IGF2BP2: variants seen among roughly 807,000 people sequenced by gnomAD.
The protein encoded by IGF2BP2 is insulin-like growth factor 2 mRNA-binding protein 2.
IGF2BP2 carries 17 observed loss-of-function variants against 75.8 expected under a neutral mutation model. That is an observed-to-expected ratio of 0.22 (90% confidence interval 0.15 to 0.34). The LOEUF (loss-of-function observed/expected upper bound fraction) is 0.34. IGF2BP2 is among the 10% of genes least tolerant of loss of function. The pLI, the probability that IGF2BP2 is intolerant of heterozygous loss-of-function variation, is 1.00. For synonymous variants in IGF2BP2, 288 were observed against 295.6 expected (o/e 0.97, Z 0.26); for missense variants, 516 against 772.4 (o/e 0.67, Z 3.93).
intron 6 of IGF2BP2, among the ~76,000 whole-genome samples, chr3:185,688,670 T>C (rs184957233): frequency 4.0e-4 from 61 of 152,278 alleles, no homozygotes; most frequent in South Asian, 1.2e-3. Flanking sequence ...CCTCTTTTTA[T>C]AGAAGAGGCA....
At chr3:185,715,395 C>T (rs879306824) in intron 2 of IGF2BP2, among the ~76,000 whole-genome samples, 1 of 152,190 alleles carries the variant, frequency 6.6e-6, no homozygotes, top group Admixed American at 6.5e-5. Flanking sequence ...AAGACTCAGA[C>T]ACGAATCATC....
At chr3:185,760,787 A>C (rs550662503) in intron 2 of IGF2BP2, among the ~76,000 whole-genome samples, 1 of 152,176 alleles carries the variant, frequency 6.6e-6, no homozygotes, top group Non-Finnish European at 1.5e-5. Flanking sequence ...CTGGGAGCAG[A>C]GGATCAGCTG....
At chr3:185,811,506 T>C (rs975455997) in intron 2 of IGF2BP2, among the ~76,000 whole-genome samples, 3 of 152,212 alleles carry the variant, frequency 2.0e-5, no homozygotes, top group Admixed American at 2.0e-4. Flanking sequence ...TTTTGAATTG[T>C]TGCCAATATT....
chr3:185,671,311 G>GC (rs1436720975), intron 10 of IGF2BP2, among the ~76,000 whole-genome samples: 1 of 152,128 alleles, frequency 6.6e-6, no homozygotes, highest in Non-Finnish European at 1.5e-5. Flanking sequence ...ACTTTGGAAG[G>GC]CCGAGGCAGG....
Position 185,675,300 on chromosome 3 carries a change from A to G in IGF2BP2, c.1067T>C (p.Val356Ala). 1 of 1,604,662 alleles carries G rather than the reference A, an allele frequency of 6.2e-7. No homozygotes were observed. Among genetic ancestry groups the G allele is most frequent in the East Asian group, 2.2e-5 (1 of 44,810 alleles). Residue 356 changes from valine (V) to alanine (A), a missense_variant, in exon 9 of 16, where the codon GTT becomes GCT. This residue lies in a region of IGF2BP2 where 312 missense variants were observed against 474.5 expected (regional missense o/e 0.66). Transcript: ENST00000382199. ...REAFENDMLA[V>A]NQQANLIPGL... ...AAGAAAGCATTAGGGACTTACGTTA[A>G]CAGCCAGCATATCATTTTCAAAGGC... is the stretch of plus-strand genomic sequence containing the variant.
intron 2 of IGF2BP2, among the ~76,000 whole-genome samples, chr3:185,820,791 G>C (rs1458478525): frequency 6.6e-6 from 1 of 152,058 alleles, no homozygotes; most frequent in Non-Finnish European, 1.5e-5. Context: ...ACAATACAAA[G>C]AAAATGCACT....
At chr3:185,657,238 T>A in intron 12 of IGF2BP2, 48 bp downstream of exon 12, 4 of 1,277,704 alleles carry the variant, frequency 3.1e-6, no homozygotes, top group Non-Finnish European at 4.6e-6. Context: ...GGCCGTGGGA[T>A]GAGAGGAGGT....
chr3:185,819,879 C>A (rs1741098976), intron 2 of IGF2BP2, among the ~76,000 whole-genome samples: 1 of 151,884 alleles, frequency 6.6e-6, no homozygotes. Flanking sequence ...TTTAATTCAA[C>A]CATACACAAT....
rs148688618 is a variant in IGF2BP2 at position 185,738,988 on chromosome 3, C to CA, written c.240-40642dup. 7.8e-3 allele frequency among the ~76,000 whole-genome samples: 1,189 copies of CA among 152,246 alleles called. 19 individuals carry two copies. Among genetic ancestry groups the CA allele is most frequent in the African/African-American group, 0.027 (1,120 of 41,534 alleles). ...TCAATTGGAGCTACAAAAAAAGTCACAAAACCCAGTTTAAAAAATAGCACA... is the reference window on the plus strand; with the variant it reads ...TCAATTGGAGCTACAAAAAAAGTCACAAAAACCCAGTTTAAAAAATAGCACA... On this transcript the variant is annotated intron_variant, in intron 2 of 15. Transcript: ENST00000382199.
intron 7 of IGF2BP2, among the ~76,000 whole-genome samples, chr3:185,683,914 T>A (rs1267758054): frequency 6.6e-6 from 1 of 152,186 alleles, no homozygotes; most frequent in African/African-American, 2.4e-5. Flanking sequence ...GTTCTGGGTC[T>A]CTGGGCCCAT....
chr3:185,752,152 A>C (rs1731051980), intron 2 of IGF2BP2, among the ~76,000 whole-genome samples: 1 of 152,130 alleles, frequency 6.6e-6, no homozygotes, highest in African/African-American at 2.4e-5. Flanking sequence ...GCATAGGTGG[A>C]CAATAATTTC....
Position 185,672,530 on chromosome 3 carries a change from G to A in IGF2BP2, c.1200+11C>T. On this transcript the variant is annotated intron_variant, in intron 10 of 15. Coordinates refer to ENST00000382199, the MANE Select transcript of IGF2BP2 (RefSeq NM_006548.6). ...GCGCATAAGCAAACCTCCACAAGCTGAGCTACTTACAGTGAAGGGGTGGTA... is the reference window on the plus strand; with the variant it reads ...GCGCATAAGCAAACCTCCACAAGCTAAGCTACTTACAGTGAAGGGGTGGTA... 6.2e-7 allele frequency: 1 copy of A among 1,610,970 alleles called. No homozygotes were observed. Among genetic ancestry groups the A allele is most frequent in the Non-Finnish European group, 8.5e-7 (1 of 1,178,692 alleles).
chr3:185,761,945 G>T (rs6789741), intron 2 of IGF2BP2, among the ~76,000 whole-genome samples: 40,689 of 152,000 alleles, frequency 0.27, 6,088 homozygotes, highest in African/African-American at 0.41. Flanking sequence ...CTAGACCAAG[G>T]GACACGAATT....
At chr3:185,820,222 G>GTA (rs201663495) in intron 2 of IGF2BP2, among the ~76,000 whole-genome samples, 245 of 121,366 alleles carry the variant, frequency 2.0e-3, no homozygotes, top group Non-Finnish European at 2.9e-3. Context: ...GTGTGTATGT[G>GTA]TATATATACA....
At chr3:185,672,002 A>T (rs77118184) in intron 10 of IGF2BP2, among the ~76,000 whole-genome samples, 3,942 of 152,342 alleles carry the variant, frequency 0.026, 82 homozygotes, top group Non-Finnish European at 0.038. Flanking sequence ...TTCTGTTGTG[A>T]ACAAATACTT....
In IGF2BP2 at chr3:185,645,700, G is replaced by T; in HGVS notation, c.1708-77C>A. The T allele has an allele frequency of 2.9e-6, 3 of 1,041,722 alleles. No individual in the cohort carries two copies. The highest frequency in any genetic ancestry group is 3.0e-6 in the Non-Finnish European group (2 of 663,790). 64.5% of individuals were successfully genotyped at this position (1,041,722 alleles called of 1,614,324 possible). On this transcript the variant is annotated intron_variant, in intron 15 of 15. Coordinates refer to ENST00000382199, the MANE Select transcript of IGF2BP2 (RefSeq NM_006548.6). The surrounding 1 kb of genome is among the most constrained non-coding windows in gnomAD (Gnocchi z 4.9). ...AGTTCTGAGGACAAACGGCAGGGGA[G>T]GCTCTGGGGCTTGGGGATGAAGGGT...
intron 2 of IGF2BP2, chr3:185,820,899 C>A: frequency 9.4e-7 from 1 of 1,065,682 alleles, no homozygotes; most frequent in South Asian, 1.6e-5. Flanking sequence ...ATAGAATTGA[C>A]TTAACACTGC....
intron 2 of IGF2BP2, among the ~76,000 whole-genome samples, chr3:185,793,349 T>G (rs1736894805): frequency 6.6e-6 from 1 of 152,178 alleles, no homozygotes; most frequent in Non-Finnish European, 1.5e-5. Flanking sequence ...CACAGGGATG[T>G]TGGGAGATCA....
intron 5 of IGF2BP2, among the ~76,000 whole-genome samples, chr3:185,691,051 A>C (rs555430599): frequency 2.0e-5 from 3 of 152,220 alleles, no homozygotes; most frequent in African/African-American, 7.2e-5. Context: ...TCCACTTACA[A>C]ATGTGTACAA....
Sources: gnomAD v4.1 joint callset for allele counts (sites outside exome capture counted in the v4.1 genomes callset) on GRCh38, gnomAD v4.1.1 for gene constraint, gnomAD v4.1.1 regional missense constraint, Gnocchi (gnomAD v3.1) non-coding constraint, MANE v1.5 for transcripts, NCBI Gene and HGNC (gene_info 2026-07-23, HGNC 2026-07-21) for gene names.